TPTE2: variants seen among roughly 807,000 people sequenced by gnomAD.
The protein encoded by TPTE2 is phosphatidylinositol 3,4,5-trisphosphate 3-phosphatase TPTE2.
A neutral mutation model predicts 78.6 loss-of-function variants in TPTE2; 53 were observed. That is an observed-to-expected ratio of 0.67 (90% CI 0.54 to 0.85). TPTE2 has a LOEUF of 0.85. TPTE2 is among the 40% of genes least tolerant of loss of function. The pLI is 0.00. For synonymous variants in TPTE2, 175 were observed against 206.2 expected, an observed-to-expected ratio of 0.85 and a Z score of 1.30; for missense variants, 461 against 623.0, an observed-to-expected ratio of 0.74 and a Z score of 2.77.
At chr13:19,557,651 G>C in the TPTE2 span, among the ~76,000 whole-genome samples, 47 of 152,236 alleles carry the variant, frequency 3.1e-4, 1 homozygote, top group Admixed American at 9.2e-4. Context: ...TCCCAGTTTG[G>C]GGGGATGTTA....
chr13:19,527,525 A>G (rs759887132), intron 1 of TPTE2, among the ~76,000 whole-genome samples: 4 of 152,354 alleles, frequency 2.6e-5, no homozygotes, highest in Admixed American at 1.3e-4. Context: ...GCATTAATAC[A>G]CTGCAAGTTG....
chr13:19,443,770 A>G (rs1472732331), intron 13 of TPTE2, among the ~76,000 whole-genome samples: 3 of 137,694 alleles, frequency 2.2e-5, no homozygotes, highest in Non-Finnish European at 5.0e-5. Flanking sequence ...ACACACACAC[A>G]CACACACACA....
intron 13 of TPTE2, among the ~76,000 whole-genome samples, chr13:19,445,106 G>A (rs2137516648): frequency 6.6e-6 from 1 of 152,204 alleles, no homozygotes; most frequent in Non-Finnish European, 1.5e-5. Context: ...ACATATGATG[G>A]TAATACAATT....
chr13:19,459,820 T>G (rs1237430189), intron 10 of TPTE2, among the ~76,000 whole-genome samples: 1 of 152,136 alleles, frequency 6.6e-6, no homozygotes, highest in East Asian at 1.9e-4. Flanking sequence ...TTGTCCAGAT[T>G]GTCTGTATTC....
rs1881453542 is a variant in TPTE2 at position 19,497,594 on chromosome 13, C to A, written c.12-4093G>T. Among the ~76,000 whole-genome samples the A allele has an allele frequency of 2.4e-5, 2 of 82,676 alleles. 1 individual carries two copies. The highest frequency in any genetic ancestry group is 5.7e-5 in the African/African-American group (2 of 34,850). 54.2% of individuals were successfully genotyped at this position (82,676 alleles called of 152,430 possible). Reference sequence around the variant, plus strand: ...ACAGACCTGCAGCTGAGGGTCCTGTCTGTTAGAAAGAAAACTAACAAACAG... The same window carrying A: ...ACAGACCTGCAGCTGAGGGTCCTGTATGTTAGAAAGAAAACTAACAAACAG... On this transcript the variant is annotated intron_variant, in intron 1 of 19. Transcript: ENST00000400230.
intron 3 of TPTE2, among the ~76,000 whole-genome samples, chr13:19,485,383 T>A (rs1880605891): frequency 6.6e-6 from 1 of 152,112 alleles, no homozygotes; most frequent in South Asian, 2.1e-4. Flanking sequence ...TATCATCCCA[T>A]TCTCTTCTAG....
chr13:19,537,728 G>GA (rs1871292555), upstream of TPTE2, among the ~76,000 whole-genome samples: 1 of 151,330 alleles, frequency 6.6e-6, no homozygotes, highest in South Asian at 2.1e-4. Flanking sequence ...TCAGCCTCCT[G>GA]AGTAGCTGGG....
chr13:19,475,469 G>A (rs1879879258), intron 5 of TPTE2, 104 bp downstream of exon 8: 15 of 1,305,532 alleles, frequency 1.1e-5, no homozygotes, highest in Admixed American at 2.2e-5. Flanking sequence ...CATGTGATCT[G>A]CCCGCCTCAG....
At chr13:19,473,429 T>A (rs1368505974) in intron 6 of TPTE2, among the ~76,000 whole-genome samples, 1 of 151,788 alleles carries the variant, frequency 6.6e-6, no homozygotes. Context: ...CAAGATGCAG[T>A]CCCTCCCACT....
chr13:19,560,588 C>A, the TPTE2 span: 2 of 1,601,372 alleles, frequency 1.2e-6, no homozygotes, highest in Middle Eastern at 2.2e-4. Context: ...ATCTCTCGGT[C>A]AAAGAGGTCA....
intron 1 of TPTE2, among the ~76,000 whole-genome samples, chr13:19,497,164 C>T (rs1438113044): frequency 7.9e-5 from 12 of 151,694 alleles, no homozygotes; most frequent in African/African-American, 1.4e-4. Context: ...CACGGAGTCT[C>T]GCTGATTGCT....
rs1248355323 is a variant in TPTE2 at position 19,532,341 on chromosome 13, T to C, written c.-44+4255A>G. 2.0e-5 allele frequency among the ~76,000 whole-genome samples: 3 copies of C among 152,264 alleles called. 1 individual carries two copies. The highest frequency in any genetic ancestry group is 7.2e-5 in the African/African-American group (3 of 41,560). On this transcript the variant is annotated intron_variant, in intron 1 of 17. Coordinates refer to the TPTE2 transcript ENST00000390680. ...GCCATGAGGGCTCCTATCTTGTGAATGGGATTAGGTGCCCTTATAAAAGGG... is the reference window on the plus strand; with the variant it reads ...GCCATGAGGGCTCCTATCTTGTGAACGGGATTAGGTGCCCTTATAAAAGGG...
At chr13:19,533,258 G>A (rs1311205493) in intron 1 of TPTE2, among the ~76,000 whole-genome samples, 1 of 152,164 alleles carries the variant, frequency 6.6e-6, no homozygotes, top group Non-Finnish European at 1.5e-5. Context: ...GAGACAGCTT[G>A]AAGCTATTAG....
At chr13:19,461,270 T>C (rs1269745702) in intron 10 of TPTE2, among the ~76,000 whole-genome samples, 1 of 152,086 alleles carries the variant, frequency 6.6e-6, no homozygotes, top group Non-Finnish European at 1.5e-5. Context: ...AAAAAATCTG[T>C]TTCCTTCATT....
At chr13:19,498,248 C>T (rs1881516164) in intron 1 of TPTE2, among the ~76,000 whole-genome samples, 1 of 151,998 alleles carries the variant, frequency 6.6e-6, no homozygotes, top group African/African-American at 2.4e-5. Flanking sequence ...AGGAGAACTT[C>T]CCCAATCTAG....
At chr13:19,504,719 C>G (rs950091850), upstream of TPTE2, among the ~76,000 whole-genome samples, 6 of 152,056 alleles carry the variant, frequency 3.9e-5, no homozygotes, top group Admixed American at 1.3e-4. Flanking sequence ...GATAAGAGAC[C>G]TGCAGGGCCT....
intron 7 of TPTE2, among the ~76,000 whole-genome samples, chr13:19,466,515 T>C (rs1159263761): frequency 1.3e-5 from 2 of 152,168 alleles, no homozygotes; most frequent in East Asian, 3.8e-4. Flanking sequence ...ATTTTCCTCA[T>C]TGTCACAGTA....
At chr13:19,503,895 C>T (rs1355050082), upstream of TPTE2, among the ~76,000 whole-genome samples, 379 of 151,818 alleles carry the variant, frequency 2.5e-3, 2 homozygotes, top group South Asian at 0.016. Flanking sequence ...CGCCCGCCAC[C>T]ACGCCCGGCT....
chr13:19,489,974 A>ATG (rs1302380811), intron 3 of TPTE2, among the ~76,000 whole-genome samples: 1 of 152,162 alleles, frequency 6.6e-6, no homozygotes, highest in Non-Finnish European at 1.5e-5. Flanking sequence ...GGTTGAAGTT[A>ATG]TGTACAATTG....
Sources: allele counts gnomAD v4.1 joint callset (sites outside exome capture counted in the v4.1 genomes callset), GRCh38; gene constraint gnomAD v4.1.1; transcripts MANE v1.5; gene names NCBI Gene and HGNC (gene_info 2026-07-23, HGNC 2026-07-21).